Variants in RARB observed in about 807,000 individuals in gnomAD.
RARB encodes retinoic acid receptor beta.
Under a neutral mutation model 51.9 loss-of-function variants are expected in RARB, and 17 were observed. The observed-to-expected ratio is 0.33, with a 90% CI of 0.22 to 0.49. RARB has a LOEUF of 0.49. Ranked by LOEUF, RARB falls within the 20% of genes least tolerant of loss-of-function variation. The pLI is 0.99. For missense variants in RARB, 369 were observed against 550.8 expected (o/e 0.67, Z 3.30); for synonymous variants, 215 against 195.4 (o/e 1.10, Z -0.84).
At chr3:25,392,835 C>T (rs6781974) in intron 5 of RARB, among the ~76,000 whole-genome samples, 4 of 152,020 alleles carry the variant, frequency 2.6e-5, no homozygotes, top group Non-Finnish European at 5.9e-5. Context: ...CATTAGCAAA[C>T]AGCAACAGTT....
intron 5 of RARB, among the ~76,000 whole-genome samples, chr3:25,202,737 G>A (rs566868657): frequency 1.3e-5 from 2 of 152,274 alleles, no homozygotes; most frequent in Non-Finnish European, 2.9e-5. Context: ...CCATGTAGTT[G>A]AGCAGTTTTG....
chr3:24,997,788 C>T (rs1302524246), intron 2 of RARB, among the ~76,000 whole-genome samples: 1 of 152,102 alleles, frequency 6.6e-6, no homozygotes, highest in Non-Finnish European at 1.5e-5. Context: ...TTTAAATTCA[C>T]TGTATATACG....
intron 3 of RARB, among the ~76,000 whole-genome samples, chr3:25,079,178 C>T (rs1426814173): frequency 6.6e-6 from 1 of 151,750 alleles, no homozygotes; most frequent in Admixed American, 6.6e-5. Context: ...ATCTTAATTT[C>T]TAATTATTTC....
chr3:25,007,139 C>T (rs900459956), intron 2 of RARB, among the ~76,000 whole-genome samples: 2 of 152,220 alleles, frequency 1.3e-5, no homozygotes, highest in Admixed American at 6.5e-5. Flanking sequence ...AACATGAATG[C>T]AATAATATTT....
intron 2 of RARB, among the ~76,000 whole-genome samples, chr3:24,927,383 A>G (rs1211676083): frequency 1.3e-5 from 2 of 152,074 alleles, no homozygotes; most frequent in South Asian, 4.1e-4. Flanking sequence ...GAAGCTACAA[A>G]TAATGAATTT....
intron 5 of RARB, among the ~76,000 whole-genome samples, chr3:25,210,810 C>T (rs1182968431): frequency 6.6e-6 from 1 of 151,988 alleles, no homozygotes; most frequent in Non-Finnish European, 1.5e-5. Flanking sequence ...GCTGGGATTA[C>T]AGGCATGAGC....
chr3:25,141,789 G>T (rs1420401168), intron 4 of RARB, among the ~76,000 whole-genome samples: 1 of 152,102 alleles, frequency 6.6e-6, no homozygotes, highest in East Asian at 1.9e-4. Context: ...GGTAAATCTA[G>T]ATTTTAATAA....
In RARB at chr3:25,371,228, A is replaced by G. The variant is rs144233796; in HGVS notation, c.179-89965A>G. Among the ~76,000 whole-genome samples, 18 of 152,286 alleles carry G rather than the reference A, an allele frequency of 1.2e-4. 1 individual carries two copies. Among genetic ancestry groups the G allele is most frequent in the Admixed American group, 4.6e-4 (7 of 15,288 alleles). On this transcript the variant is annotated intron_variant, in intron 5 of 11. Transcript: ENST00000383772. The stretch of plus-strand genomic sequence containing the variant: ...AGAGCTGTGCCCTCATGAATGGATT[A>G]ATACCATTATTTTGGAATAATAATA...
chr3:24,911,135 G>A (rs1454885494), intron 2 of RARB, among the ~76,000 whole-genome samples: 1 of 152,156 alleles, frequency 6.6e-6, no homozygotes, highest in Non-Finnish European at 1.5e-5. Flanking sequence ...GATGAATTAA[G>A]TTGGACTGCT....
At chr3:25,332,397 G>T (rs1324586614) in intron 5 of RARB, among the ~76,000 whole-genome samples, 1 of 152,090 alleles carries the variant, frequency 6.6e-6, no homozygotes, top group African/African-American at 2.4e-5. Flanking sequence ...ACGTAATCCA[G>T]CATATAAACA....
chr3:25,245,449 T>C (rs932703350), intron 5 of RARB, among the ~76,000 whole-genome samples: 2 of 152,324 alleles, frequency 1.3e-5, no homozygotes, highest in East Asian at 3.9e-4. Context: ...TACCGGTTTT[T>C]CCTTTCCACA....
chr3:25,382,043 A>G (rs551351844), intron 5 of RARB, among the ~76,000 whole-genome samples: 3 of 152,302 alleles, frequency 2.0e-5, no homozygotes, highest in Non-Finnish European at 2.9e-5. Flanking sequence ...CAAGATAGCA[A>G]TATTCTAACT....
At chr3:25,104,793 A>G (rs1339268318) in intron 3 of RARB, among the ~76,000 whole-genome samples, 1 of 152,240 alleles carries the variant, frequency 6.6e-6, no homozygotes, top group African/African-American at 2.4e-5. Flanking sequence ...AACAATGTGT[A>G]ACTACATGCC....
chr3:24,956,711 T>A (rs1238772218), intron 2 of RARB, among the ~76,000 whole-genome samples: 1 of 152,160 alleles, frequency 6.6e-6, no homozygotes, highest in African/African-American at 2.4e-5. Flanking sequence ...TGAAGACTGG[T>A]ATATTGGATC....
At chr3:24,965,744 G>A (rs914312484) in intron 2 of RARB, among the ~76,000 whole-genome samples, 2 of 152,056 alleles carry the variant, frequency 1.3e-5, no homozygotes, top group African/African-American at 4.8e-5. Context: ...CCTCAAATCC[G>A]TTCATTACTA....
intron 2 of RARB, among the ~76,000 whole-genome samples, chr3:24,991,529 G>A (rs968324959): frequency 1.3e-5 from 2 of 151,486 alleles, no homozygotes; most frequent in Non-Finnish European, 2.9e-5. Context: ...AATTTTTCTT[G>A]TATTATTGCA....
intron 2 of RARB, among the ~76,000 whole-genome samples, chr3:25,010,278 C>T (rs954000355): frequency 1.6e-4 from 25 of 151,842 alleles, no homozygotes; most frequent in Non-Finnish European, 1.9e-4. Context: ...TTTAAAATTC[C>T]GTTCTCTGTA....
At chr3:25,568,489 A>G (rs867370501) in intron 3 of RARB, among the ~76,000 whole-genome samples, 26 of 151,184 alleles carry the variant, frequency 1.7e-4, no homozygotes, top group Middle Eastern at 6.8e-3. Context: ...TTGTAGTAGG[A>G]CTCACCTCCC....
rs924200361 is a variant in RARB at position 25,066,743 on chromosome 3, AC to A, written c.-328+6569del. Among the ~76,000 whole-genome samples, 198 of 151,292 alleles carry A rather than the reference AC, an allele frequency of 1.3e-3. 1 individual carries two copies. Among genetic ancestry groups the A allele is most frequent in the South Asian group, 5.4e-3 (26 of 4,786 alleles). On this transcript the variant is annotated intron_variant, in intron 3 of 11. Transcript: ENST00000383772. ...AAACATTGTAGAAAATTCCAAAAAT[AC>A]CAAAAAAAAACAGAAAAATAAAATA...
Sources: gnomAD v4.1 joint callset for allele counts (sites outside exome capture counted in the v4.1 genomes callset) on GRCh38, gnomAD v4.1.1 for gene constraint, MANE v1.5 for transcripts, NCBI Gene and HGNC (gene_info 2026-07-23, HGNC 2026-07-21) for gene names.